The following ERBIN variants were observed in gnomAD, a reference collection of about 807,000 sequenced individuals.
The protein encoded by ERBIN is densin-180-like protein.
In ERBIN, 60 loss-of-function variants were observed where a neutral mutation model predicts 158.4. That is an observed-to-expected ratio of 0.38 (90% confidence interval 0.31 to 0.47). ERBIN has a LOEUF of 0.47. ERBIN is among the 20% of genes least tolerant of loss of function. The pLI is 0.99. For missense variants in ERBIN, 1,610 were observed against 1,648.0 expected (o/e 0.98, Z 0.40); for synonymous variants, 594 against 557.2 (o/e 1.07, Z -0.93).
chr5:66,069,024 A>C, intron 21 of ERBIN: 1 of 1,532,500 alleles, frequency 6.5e-7, no homozygotes, highest in Non-Finnish European at 8.7e-7. Flanking sequence ...TTTTCGAGTG[A>C]GTACCTACAC....
At chr5:66,023,181 A>G (rs1209883294) in intron 8 of ERBIN, 109 bp from the exon 9 acceptor site, 9 of 766,120 alleles carry the variant, frequency 1.2e-5, no homozygotes, top group Non-Finnish European at 2.2e-6. Flanking sequence ...CTTTTATTTA[A>G]TGATTTGAAA....
intron 1 of ERBIN, among the ~76,000 whole-genome samples, chr5:65,938,890 A>C (rs1744420214): frequency 6.6e-6 from 1 of 151,642 alleles, no homozygotes; most frequent in South Asian, 2.1e-4. Context: ...CCCTGCTACT[A>C]CTCTTCTGCC....
intron 1 of ERBIN, among the ~76,000 whole-genome samples, chr5:65,964,954 T>A (rs1402283408): frequency 7.6e-6 from 1 of 131,238 alleles, no homozygotes; most frequent in African/African-American, 3.7e-5. Context: ...GTAATTTTTT[T>A]TTTTTTTTTT....
chr5:65,974,184 A>T (rs251324), intron 1 of ERBIN, among the ~76,000 whole-genome samples: 1 of 151,206 alleles, frequency 6.6e-6, no homozygotes, highest in Non-Finnish European at 1.5e-5. Flanking sequence ...AAAAATCCAT[A>T]TGTATATAAG....
chr5:65,927,887 G>C (rs189991735), intron 1 of ERBIN, among the ~76,000 whole-genome samples: 22 of 152,278 alleles, frequency 1.4e-4, no homozygotes, highest in African/African-American at 5.1e-4. Context: ...TGGTGTTTTA[G>C]TCTTTTTCTG....
intron 1 of ERBIN, among the ~76,000 whole-genome samples, chr5:65,942,457 A>G (rs152943): frequency 0.62 from 94,726 of 152,168 alleles, 32,680 homozygotes; most frequent in Non-Finnish European, 0.78. Context: ...CTGGTTTTCC[A>G]TCTTCTCTTT....
intron 1 of ERBIN, among the ~76,000 whole-genome samples, chr5:65,940,481 C>A (rs1165436579): frequency 1.6e-5 from 2 of 128,314 alleles, no homozygotes; most frequent in South Asian, 2.5e-4. Flanking sequence ...GTCAGTCCCC[C>A]CCCCCCCGGC....
At chr5:65,991,501 A>C (rs1386951181) in intron 2 of ERBIN, among the ~76,000 whole-genome samples, 1 of 152,166 alleles carries the variant, frequency 6.6e-6, no homozygotes, top group Non-Finnish European at 1.5e-5. Context: ...TTTATTCCTA[A>C]AATTGCTATA....
chr5:65,957,383 A>G (rs186815341), intron 1 of ERBIN, among the ~76,000 whole-genome samples: 17 of 151,728 alleles, frequency 1.1e-4, no homozygotes, highest in East Asian at 5.8e-4. Context: ...CAGTGTTTGT[A>G]TCCCTGGGTA....
chr5:66,022,553 A>C (rs1158149457), intron 8 of ERBIN, among the ~76,000 whole-genome samples: 1 of 152,200 alleles, frequency 6.6e-6, no homozygotes, highest in Non-Finnish European at 1.5e-5. Context: ...CTGTGCCATC[A>C]CATGATCATT....
chr5:66,065,379 A>G (rs548504028), intron 21 of ERBIN, among the ~76,000 whole-genome samples: 2 of 152,148 alleles, frequency 1.3e-5, no homozygotes, highest in Non-Finnish European at 2.9e-5. Context: ...TTTCTTCACC[A>G]TCTTTCATCT....
chr5:65,973,705 A>G lies in ERBIN; in HGVS notation c.-57-14930A>G, dbSNP rs933846391. 3.3e-5 allele frequency among the ~76,000 whole-genome samples: 5 copies of G among 151,366 alleles called. 1 individual carries two copies. The highest frequency in any genetic ancestry group is 1.2e-4 in the African/African-American group (5 of 40,650). On this transcript the variant is annotated intron_variant, in intron 1 of 25. Transcript: ENST00000284037. ...TTAGTGTCTTGAATTGGGTAGGTGG[A>G]ATGAGGAGTCAGTAGTAAGGCAAAA...
chr5:65,962,279 T>A (rs1244147278), intron 1 of ERBIN, among the ~76,000 whole-genome samples: 1 of 152,184 alleles, frequency 6.6e-6, no homozygotes, highest in Non-Finnish European at 1.5e-5. Context: ...CTTTTCTTCA[T>A]AAATTGCCAT....
At chr5:65,974,122 C>T (rs1749589765) in intron 1 of ERBIN, among the ~76,000 whole-genome samples, 1 of 150,850 alleles carries the variant, frequency 6.6e-6, no homozygotes, top group Admixed American at 6.6e-5. Flanking sequence ...CACATGTAGT[C>T]CCAGCTACTT....
chr5:66,044,433 C>G, intron 17 of ERBIN, 123 bp downstream of exon 17: 1 of 883,154 alleles, frequency 1.1e-6, no homozygotes, highest in Non-Finnish European at 1.7e-6. Flanking sequence ...AATGATATTT[C>G]GGTCGACATG....
intron 1 of ERBIN, among the ~76,000 whole-genome samples, chr5:65,974,761 G>T (rs1392386850): frequency 6.6e-6 from 1 of 152,168 alleles, no homozygotes; most frequent in Non-Finnish European, 1.5e-5. Flanking sequence ...ATCACCAAAG[G>T]TGTGAGTATA....
intron 14 of ERBIN, among the ~76,000 whole-genome samples, chr5:66,030,143 A>G (rs769273372): frequency 2.6e-5 from 4 of 152,014 alleles, no homozygotes; most frequent in East Asian, 1.9e-4. Context: ...GGCTCAAGCA[A>G]TTCTCCTGCC....
intron 1 of ERBIN, among the ~76,000 whole-genome samples, chr5:65,940,464 T>G (rs926381092): frequency 3.5e-3 from 100 of 28,780 alleles, no homozygotes; most frequent in Admixed American, 7.0e-3. Flanking sequence ...GGGAGGGAGG[T>G]GGGGGGGTCA....
intron 24 of ERBIN, 95 bp from the exon 25 acceptor site, chr5:66,076,780 C>A: frequency 2.3e-6 from 2 of 853,890 alleles, no homozygotes; most frequent in South Asian, 3.0e-5. Flanking sequence ...TACCATGATT[C>A]AAATATTTGC....
Sources: allele counts gnomAD v4.1 joint callset (sites outside exome capture counted in the v4.1 genomes callset), GRCh38; gene constraint gnomAD v4.1.1; transcripts MANE v1.5; gene names NCBI Gene and HGNC (gene_info 2026-07-23, HGNC 2026-07-21).